Variants in MARCHF5 observed in about 807,000 individuals in gnomAD.
The protein encoded by MARCHF5 is membrane associated ring-CH-type finger 5, also known as E3 ubiquitin-protein ligase MARCHF5.
Under a neutral mutation model 36.5 loss-of-function variants are expected in MARCHF5, and 5 were observed. The ratio of observed to expected loss-of-function variants is 0.14; its 90% CI spans 0.07 to 0.29. MARCHF5 has a LOEUF of 0.29. Among genes scored for constraint, MARCHF5 ranks in the 10% least tolerant of loss-of-function variants. The pLI is 1.00. For synonymous variants in MARCHF5, 103 were observed against 109.9 expected (o/e 0.94, Z 0.39); for missense variants, 179 against 336.3 (o/e 0.53, Z 3.66).
chr10:92,328,823 T>TATA (rs1330052359), intron 2 of MARCHF5, among the ~76,000 whole-genome samples: 13 of 130,770 alleles, frequency 9.9e-5, no homozygotes, highest in African/African-American at 3.7e-4. Context: ...ATATATATAT[T>TATA]TTTTTTTTTT....
intron 2 of MARCHF5, among the ~76,000 whole-genome samples, chr10:92,314,754 C>G (rs551909181): frequency 0.01 from 1,388 of 135,282 alleles, 126 homozygotes; most frequent in Admixed American, 0.025. Flanking sequence ...CCCCGCCCCC[C>G]CCCGCCAATA....
chr10:92,341,165 G>A lies in MARCHF5; in HGVS notation c.369+362G>A, dbSNP rs556383338. Among the ~76,000 whole-genome samples the A allele has an allele frequency of 3.3e-5, 5 of 152,232 alleles. No individual in the cohort carries two copies. In the East Asian group the frequency reaches 9.7e-4, roughly 29 times the overall value. The stretch of plus-strand genomic sequence containing the variant: ...AGCTTGCAATCCCAGCACTTCAGGA[G>A]GCCGAGGCAGGTGGATCACCTGAGG... On this transcript the variant is annotated intron_variant, in intron 3 of 5. Transcript: ENST00000358935.
intron 1 of MARCHF5, among the ~76,000 whole-genome samples, chr10:92,300,292 C>G (rs1475451018): frequency 6.6e-6 from 1 of 151,226 alleles, no homozygotes; most frequent in Non-Finnish European, 1.5e-5. Context: ...CCAGCGTGGG[C>G]AACATGGAGA....
At chr10:92,306,850 C>T (rs575104793) in intron 1 of MARCHF5, among the ~76,000 whole-genome samples, 1 of 152,200 alleles carries the variant, frequency 6.6e-6, no homozygotes, top group Non-Finnish European at 1.5e-5. Context: ...CCCATCTCTA[C>T]TAAAAATACA....
In MARCHF5 at chr10:92,351,073, T is replaced by C; in HGVS notation, c.721-18T>C. On this transcript the variant is annotated intron_variant, in intron 5 of 5. Transcript: ENST00000358935. ...CTAAATCTGCATTATAAAAAGCTAATTTTCCTTTTTATTTTAGGGTGGAAT... is the reference window on the plus strand; with the variant it reads ...CTAAATCTGCATTATAAAAAGCTAACTTTCCTTTTTATTTTAGGGTGGAAT... 1 of 1,414,376 alleles carries C rather than the reference T, an allele frequency of 7.1e-7. No homozygotes were observed. 87.6% of individuals were successfully genotyped at this position (1,414,376 alleles called of 1,614,324 possible).
intron 1 of MARCHF5, among the ~76,000 whole-genome samples, chr10:92,299,117 C>T (rs904997175): frequency 2.0e-4 from 31 of 152,204 alleles, no homozygotes; most frequent in South Asian, 4.1e-4. Context: ...CTACCTTGCC[C>T]GGCCTATTTA....
intron 1 of MARCHF5, among the ~76,000 whole-genome samples, chr10:92,306,624 C>A (rs1209697862): frequency 6.6e-6 from 1 of 152,050 alleles, no homozygotes; most frequent in East Asian, 1.9e-4. Context: ...GGGAATAAAT[C>A]GTTGAAGTAG....
intron 1 of MARCHF5, among the ~76,000 whole-genome samples, chr10:92,291,975 G>A (rs1842876769): frequency 6.6e-6 from 1 of 152,180 alleles, no homozygotes; most frequent in African/African-American, 2.4e-5. Flanking sequence ...TGGAAAGCCT[G>A]ATAGGCTGAT....
At chr10:92,342,153 C>A (rs1449361562) in intron 3 of MARCHF5, among the ~76,000 whole-genome samples, 1 of 149,456 alleles carries the variant, frequency 6.7e-6, no homozygotes, top group Non-Finnish European at 1.5e-5. Flanking sequence ...ATACTCCCCA[C>A]AAACCGCCCC....
At chr10:92,323,754 A>G (rs1843319677) in intron 2 of MARCHF5, among the ~76,000 whole-genome samples, 1 of 152,096 alleles carries the variant, frequency 6.6e-6, no homozygotes, top group South Asian at 2.1e-4. Context: ...TCATTTTAGT[A>G]CTGAATACTC....
chr10:92,350,964 C>G (rs1843707888), intron 5 of MARCHF5, 127 bp from the exon 6 acceptor site: 1 of 619,330 alleles, frequency 1.6e-6, no homozygotes, highest in Non-Finnish European at 2.9e-6. Flanking sequence ...AAAACTGTTT[C>G]ATTTGCAGTC....
chr10:92,322,297 A>G (rs915528091), intron 2 of MARCHF5, among the ~76,000 whole-genome samples: 3 of 132,120 alleles, frequency 2.3e-5, no homozygotes, highest in African/African-American at 8.2e-5. Flanking sequence ...TTTTCTTTCT[A>G]TTCTTGCATT....
intron 2 of MARCHF5, among the ~76,000 whole-genome samples, chr10:92,313,850 G>A (rs540577676): frequency 8.5e-5 from 13 of 152,236 alleles, no homozygotes; most frequent in South Asian, 4.1e-4. Context: ...CTGTGATTGC[G>A]CCACTGTACT....
intron 2 of MARCHF5, among the ~76,000 whole-genome samples, chr10:92,334,719 A>G (rs1052588470): frequency 5.9e-5 from 9 of 152,260 alleles, no homozygotes; most frequent in African/African-American, 2.2e-4. Context: ...GCAAAAATCT[A>G]CTTTTGTTTG....
chr10:92,318,757 G>A (rs2135193292), intron 2 of MARCHF5, among the ~76,000 whole-genome samples: 1 of 152,018 alleles, frequency 6.6e-6, no homozygotes, highest in East Asian at 1.9e-4. Flanking sequence ...GGAGTGCAGT[G>A]GCACAATCTC....
intron 2 of MARCHF5, among the ~76,000 whole-genome samples, chr10:92,327,308 CTT>C (rs200392421): frequency 7.1e-6 from 1 of 140,280 alleles, no homozygotes; most frequent in Admixed American, 7.1e-5. Flanking sequence ...ATATGAAGAG[CTT>C]TTTTTTTTTT....
At chr10:92,322,832 G>A (rs1460542348) in intron 2 of MARCHF5, among the ~76,000 whole-genome samples, 1 of 151,266 alleles carries the variant, frequency 6.6e-6, no homozygotes, top group African/African-American at 2.4e-5. Context: ...CCGCCTCCTG[G>A]GTTCAAGCAA....
At chr10:92,295,243 A>G (rs1460594199) in intron 1 of MARCHF5, among the ~76,000 whole-genome samples, 1 of 145,190 alleles carries the variant, frequency 6.9e-6, no homozygotes, top group Non-Finnish European at 1.5e-5. Flanking sequence ...GACTATTTTA[A>G]TTGTAATATG....
intron 1 of MARCHF5, among the ~76,000 whole-genome samples, chr10:92,295,407 ATTTTTTAT>A (rs1410869993): frequency 3.9e-5 from 3 of 77,884 alleles, no homozygotes; most frequent in Non-Finnish European, 7.7e-5. Flanking sequence ...TTATTTATTT[ATTTTTTAT>A]TTTTTTTTTT....
Sources: allele counts gnomAD v4.1 joint callset (sites outside exome capture counted in the v4.1 genomes callset), GRCh38; gene constraint gnomAD v4.1.1; transcripts MANE v1.5; gene names NCBI Gene and HGNC (gene_info 2026-07-23, HGNC 2026-07-21).